Variants in FOXP2 observed in about 807,000 individuals in gnomAD.
The protein encoded by FOXP2 is forkhead box protein P2.
FOXP2 carries 12 observed loss-of-function variants against 115.8 expected under a neutral mutation model. The observed-to-expected ratio is 0.10, with a 90% CI of 0.07 to 0.17. The LOEUF is 0.17. Ranked by LOEUF, FOXP2 falls within the 10% of genes least tolerant of loss-of-function variation. The pLI, the probability that FOXP2 is intolerant of heterozygous loss-of-function variation, is 1.00. For synonymous variants in FOXP2, 328 were observed against 297.7 expected (o/e 1.10, Z -1.05); for missense variants, 629 against 843.5 (o/e 0.75, Z 3.15).
chr7:114,318,726 T>TAC (rs1554367734), intron 2 of FOXP2, among the ~76,000 whole-genome samples: 102 of 151,182 alleles, frequency 6.7e-4, no homozygotes, highest in African/African-American at 2.0e-3. Context: ...TATATATATA[T>TAC]ACACACACAC....
chr7:114,329,919 C>T (rs944346454), intron 2 of FOXP2, among the ~76,000 whole-genome samples: 2 of 152,272 alleles, frequency 1.3e-5, no homozygotes, highest in East Asian at 3.9e-4. Flanking sequence ...TCGAGATCCA[C>T]CCACCTCAGC....
chr7:114,223,889 T>G (rs1184436087), intron 1 of FOXP2, among the ~76,000 whole-genome samples: 1 of 151,988 alleles, frequency 6.6e-6, no homozygotes, highest in East Asian at 1.9e-4. Flanking sequence ...AATTTTTTTG[T>G]TTTCTACTTA....
At position 114,202,523 on chromosome 7, in the gene FOXP2, C is replaced by G. The variant is rs139540724; in HGVS notation, c.-102+39435C>G. Among the ~76,000 whole-genome samples the G allele has an allele frequency of 1.2e-4, 18 of 152,258 alleles. No homozygotes were observed. In the East Asian group the frequency reaches 2.7e-3, roughly 23 times the overall value. ...ATTGGCAGGAATTGGTTTTGAGATC[C>G]TACATATGTCACTTCAAGCTCTTTA... On this transcript the variant is annotated intron_variant, in intron 1 of 17. Coordinates refer to the FOXP2 transcript ENST00000634411.
At chr7:114,614,285 C>T (rs1466146997) in intron 3 of FOXP2, among the ~76,000 whole-genome samples, 3 of 150,710 alleles carry the variant, frequency 2.0e-5, no homozygotes, top group Non-Finnish European at 2.9e-5. Flanking sequence ...CTTTAATTTG[C>T]TGTCTTTATA....
intron 3 of FOXP2, among the ~76,000 whole-genome samples, chr7:114,568,252 C>G (rs570801001): frequency 6.6e-6 from 1 of 151,776 alleles, no homozygotes; most frequent in African/African-American, 2.4e-5. Flanking sequence ...TTATTTCTCT[C>G]TATGTTAGCA....
At chr7:114,506,287 C>A (rs1027559899) in intron 2 of FOXP2, among the ~76,000 whole-genome samples, 4 of 151,628 alleles carry the variant, frequency 2.6e-5, no homozygotes, top group African/African-American at 9.7e-5. Flanking sequence ...CCTAAGTTTT[C>A]TGCCTTTTTT....
At chr7:114,412,397 G>A (rs752908573), upstream of FOXP2, among the ~76,000 whole-genome samples, 2 of 152,156 alleles carry the variant, frequency 1.3e-5, no homozygotes, top group African/African-American at 4.8e-5. Context: ...AGGTGATATC[G>A]AAGAGTAGTG....
Position 114,458,843 on chromosome 7 carries a change from A to G in FOXP2, c.168+32164A>G, listed in dbSNP as rs79203159. On this transcript the variant is annotated intron_variant, in intron 2 of 16. Coordinates refer to ENST00000350908, the MANE Select transcript of FOXP2 (RefSeq NM_014491.4). ...TATTTAATGCTTCCTAAAAAACCAT[A>G]CTAAACTTAGTGGCCTGAAACAACA... is the stretch of plus-strand genomic sequence containing the variant. 4.2e-3 allele frequency among the ~76,000 whole-genome samples: 645 copies of G among 152,154 alleles called. 9 individuals are homozygous for G. The highest frequency in any genetic ancestry group is 0.014 in the African/African-American group (579 of 41,526).
intron 16 of FOXP2, chr7:114,664,752 G>T (rs974025025): frequency 2.7e-6 from 1 of 366,608 alleles, no homozygotes; most frequent in Non-Finnish European, 5.1e-6. Flanking sequence ...AGGTTGGTTT[G>T]TATGGTGCAA....
chr7:114,587,508 T>C (rs990821606), intron 3 of FOXP2, among the ~76,000 whole-genome samples: 12 of 152,124 alleles, frequency 7.9e-5, no homozygotes, highest in Non-Finnish European at 1.5e-5. Flanking sequence ...CCGTCTATCA[T>C]TGATGGGCAT....
intron 1 of FOXP2, among the ~76,000 whole-genome samples, chr7:114,263,836 G>A (rs1461808399): frequency 5.9e-5 from 9 of 151,720 alleles, no homozygotes; most frequent in Non-Finnish European, 1.3e-4. Context: ...GCCTCGAGCT[G>A]GCTTCTAGTT....
intron 1 of FOXP2, among the ~76,000 whole-genome samples, chr7:114,127,303 C>G (rs779019319): frequency 6.6e-6 from 1 of 152,142 alleles, no homozygotes; most frequent in Non-Finnish European, 1.5e-5. Flanking sequence ...TCATCACCCT[C>G]AATGGATCTT....
intron 2 of FOXP2, among the ~76,000 whole-genome samples, chr7:114,507,187 G>A (rs145896762): frequency 2.0e-5 from 3 of 151,494 alleles, no homozygotes; most frequent in Non-Finnish European, 3.0e-5. Context: ...ACAAACTTTC[G>A]TATCAATAAC....
At chr7:114,209,937 AT>A (rs1794301485) in intron 1 of FOXP2, among the ~76,000 whole-genome samples, 2 of 151,978 alleles carry the variant, frequency 1.3e-5, no homozygotes, top group African/African-American at 4.8e-5. Flanking sequence ...GATACTTGTG[AT>A]TGCATTATGA....
At chr7:114,495,561 A>G (rs150885314) in intron 2 of FOXP2, among the ~76,000 whole-genome samples, 1,580 of 131,716 alleles carry the variant, frequency 0.012, 31 homozygotes, top group African/African-American at 0.045. Flanking sequence ...GCTGGAGTGC[A>G]ATGTTGCAAT....
intron 1 of FOXP2, among the ~76,000 whole-genome samples, chr7:114,117,982 C>T (rs1307210955): frequency 2.0e-5 from 3 of 152,044 alleles, no homozygotes; most frequent in African/African-American, 4.8e-5. Flanking sequence ...ATGATCGTAT[C>T]TTATTCTAAT....
chr7:114,159,539 G>A, upstream of FOXP2, among the ~76,000 whole-genome samples: 1 of 151,606 alleles, frequency 6.6e-6, no homozygotes, highest in African/African-American at 2.4e-5. Context: ...AGAAATAAAT[G>A]ATAAATGAAT....
intron 3 of FOXP2, among the ~76,000 whole-genome samples, chr7:114,566,572 G>C (rs1285624204): frequency 6.6e-6 from 1 of 152,022 alleles, no homozygotes; most frequent in Non-Finnish European, 1.5e-5. Flanking sequence ...GAAGCCACTT[G>C]AGGCCCTCAC....
intron 2 of FOXP2, among the ~76,000 whole-genome samples, chr7:114,300,530 A>G (rs1268002365): frequency 6.6e-6 from 1 of 152,010 alleles, no homozygotes; most frequent in Non-Finnish European, 1.5e-5. Context: ...AACAAGAAAA[A>G]ATATTAAAAT....
Sources: allele counts gnomAD v4.1 joint callset (sites outside exome capture counted in the v4.1 genomes callset), GRCh38; gene constraint gnomAD v4.1.1; transcripts MANE v1.5; gene names NCBI Gene and HGNC (gene_info 2026-07-23, HGNC 2026-07-21).